NAV1: variants seen among roughly 807,000 people sequenced by gnomAD.
NAV1 encodes neuron navigator 1, also known as pore membrane and/or filament interacting like protein 3.
NAV1 carries 18 observed loss-of-function variants against 175.2 expected under a neutral mutation model. The ratio of observed to expected loss-of-function variants is 0.10; its 90% CI spans 0.07 to 0.15. The LOEUF (loss-of-function observed/expected upper bound fraction) is 0.15. Among genes scored for constraint, NAV1 ranks in the 10% least tolerant of loss-of-function variants. The pLI, the probability that NAV1 is intolerant of heterozygous loss-of-function variation, is 1.00. For synonymous variants in NAV1, 897 were observed against 978.7 expected, an observed-to-expected ratio of 0.92 and a Z score of 1.56; for missense variants, 1,731 against 2,436.6, an observed-to-expected ratio of 0.71 and a Z score of 6.10.
chr1:201,661,845 T>G (rs12097107), intron 1 of NAV1, among the ~76,000 whole-genome samples: 140 of 152,362 alleles, frequency 9.2e-4, no homozygotes, highest in African/African-American at 3.3e-3. Context: ...AGCTTCTTCA[T>G]GGAAGATTTA....
intron 1 of NAV1, among the ~76,000 whole-genome samples, chr1:201,709,232 C>T (rs577557427): frequency 3.6e-4 from 54 of 151,832 alleles, no homozygotes; most frequent in African/African-American, 1.2e-3. Flanking sequence ...TCACCCCATC[C>T]GGGATGCTCA....
chr1:201,675,490 C>T (rs558620089), intron 1 of NAV1, among the ~76,000 whole-genome samples: 1 of 152,316 alleles, frequency 6.6e-6, no homozygotes, highest in African/African-American at 2.4e-5. Context: ...AGACAGTGCA[C>T]TTAGCCTGCT....
intron 1 of NAV1, among the ~76,000 whole-genome samples, chr1:201,711,575 C>T (rs563535479): frequency 2.0e-5 from 3 of 152,310 alleles, no homozygotes; most frequent in Non-Finnish European, 2.9e-5. Flanking sequence ...TCTGCAGCAG[C>T]GGCAGAAGGC....
chr1:201,705,808 A>C (rs1671642020), intron 1 of NAV1, among the ~76,000 whole-genome samples: 1 of 152,154 alleles, frequency 6.6e-6, no homozygotes, highest in Admixed American at 6.5e-5. Flanking sequence ...AGGGACAGTT[A>C]CTGTGCTCTA....
chr1:201,758,100 T>G (rs756831012), intron 3 of NAV1, among the ~76,000 whole-genome samples: 3 of 152,146 alleles, frequency 2.0e-5, no homozygotes, highest in Non-Finnish European at 4.4e-5. Context: ...TGCCCACGAG[T>G]TGCATAGACT....
intron 3 of NAV1, among the ~76,000 whole-genome samples, chr1:201,767,083 T>C (rs985556897): frequency 2.6e-5 from 4 of 151,632 alleles, no homozygotes; most frequent in Non-Finnish European, 4.4e-5. Context: ...CCTCCCAAAG[T>C]GCTGGGATTA....
chr1:201,802,535 C>T (rs1044138168), intron 15 of NAV1, among the ~76,000 whole-genome samples: 3 of 149,822 alleles, frequency 2.0e-5, no homozygotes, highest in Admixed American at 6.7e-5. Flanking sequence ...AATCCCAGCA[C>T]TTTGGGAGGC....
At chr1:201,774,453 T>G (rs1675808046) in intron 3 of NAV1, among the ~76,000 whole-genome samples, 1 of 152,156 alleles carries the variant, frequency 6.6e-6, no homozygotes, top group Non-Finnish European at 1.5e-5. Flanking sequence ...GGATGGACAG[T>G]GTCCATCCAG....
At chr1:201,701,065 T>C (rs1571893375) in intron 1 of NAV1, among the ~76,000 whole-genome samples, 1 of 141,550 alleles carries the variant, frequency 7.1e-6, no homozygotes, top group African/African-American at 2.6e-5. Context: ...TTGTACACCA[T>C]GGAATACTAT....
At chr1:201,711,590 G>A (rs976263186) in intron 1 of NAV1, among the ~76,000 whole-genome samples, 3 of 152,236 alleles carry the variant, frequency 2.0e-5, no homozygotes, top group African/African-American at 4.8e-5. Context: ...GAAGGCTTGC[G>A]GATGGAGGGG....
At position 201,718,016 on chromosome 1, in the gene NAV1, A is replaced by C. The variant is rs1004766008; in HGVS notation, c.861-374A>C. Among the ~76,000 whole-genome samples the C allele has an allele frequency of 1.3e-5, 2 of 152,186 alleles. No homozygotes were observed. The highest frequency in any genetic ancestry group is 4.8e-5 in the African/African-American group (2 of 41,434). On this transcript the variant is annotated intron_variant, in intron 2 of 29. Transcript: ENST00000367296. This position sits in a 1 kb window ranked among gnomAD's most constrained non-coding sequence, Gnocchi z 4.8. ...TGATCCTTACAACTCTATAAGGTAG[A>C]TGTTATGCCATTATCCCCATTGTAC...
intron 15 of NAV1, chr1:201,798,109 A>T (rs771714794): frequency 6.6e-6 from 1 of 152,214 alleles, no homozygotes; most frequent in Non-Finnish European, 1.5e-5. Flanking sequence ...CTGGTTGCCC[A>T]AGCCTCTAAT....
chr1:201,752,293 G>A (rs187527558), intron 3 of NAV1, among the ~76,000 whole-genome samples: 273 of 152,264 alleles, frequency 1.8e-3, no homozygotes, highest in Middle Eastern at 3.4e-3. Flanking sequence ...CTTAAGACCC[G>A]AATTAAAGAG....
At chr1:201,567,640 C>T (rs1666394846) in intron 1 of NAV1, among the ~76,000 whole-genome samples, 1 of 152,176 alleles carries the variant, frequency 6.6e-6, no homozygotes, top group Non-Finnish European at 1.5e-5. Context: ...GGAGATGGAA[C>T]TCACAGTGCC....
At chr1:201,789,848 T>G in intron 11 of NAV1, 56 bp downstream of exon 15, 1 of 1,534,922 alleles carries the variant, frequency 6.5e-7, no homozygotes, top group African/African-American at 1.4e-5. Context: ...CATCCCATGC[T>G]CCCTAGAACC....
chr1:201,717,527 C>T (rs546003771), intron 2 of NAV1, among the ~76,000 whole-genome samples: 90 of 152,338 alleles, frequency 5.9e-4, no homozygotes, highest in Admixed American at 1.7e-3. Flanking sequence ...CCCTAGTCCC[C>T]CAGGTTCCCC....
chr1:201,672,549 A>T (rs1298208628), intron 1 of NAV1, among the ~76,000 whole-genome samples: 1 of 152,154 alleles, frequency 6.6e-6, no homozygotes, highest in Non-Finnish European at 1.5e-5. Flanking sequence ...TATGAGGTAG[A>T]TGTTATTGTG....
In NAV1 at chr1:201,660,788, AC is replaced by A. The variant is rs571025936; in HGVS notation, c.757+11366del. Among the ~76,000 whole-genome samples, 6 of 152,282 alleles carry A rather than the reference AC, an allele frequency of 3.9e-5. No individual in the cohort carries two copies. The South Asian group carries it at 1.2e-3, about 32-fold the overall frequency. ...AGGATCATATGCAAAATATTTGACA[AC>A]CCTCACAGGTTTCAGAGCTGGAGGA... On this transcript the variant is annotated intron_variant, in intron 1 of 29. Transcript: ENST00000367296.
chr1:201,758,285 C>G (rs1674636075), intron 3 of NAV1, among the ~76,000 whole-genome samples: 1 of 152,178 alleles, frequency 6.6e-6, no homozygotes, highest in African/African-American at 2.4e-5. Context: ...TTCTTTTCTT[C>G]CCATTCTACT....
Sources: allele counts gnomAD v4.1 joint callset (sites outside exome capture counted in the v4.1 genomes callset), GRCh38; gene constraint gnomAD v4.1.1; non-coding constraint Gnocchi (gnomAD v3.1); transcripts MANE v1.5; gene names NCBI Gene and HGNC (gene_info 2026-07-23, HGNC 2026-07-21).